Variants in KCTD8 observed in about 807,000 individuals in gnomAD.
The protein encoded by KCTD8 is BTB/POZ domain-containing protein KCTD8.
In KCTD8, 27 loss-of-function variants were observed where a neutral mutation model predicts 31.5. The ratio of observed to expected loss-of-function variants is 0.86; its 90% confidence interval spans 0.63 to 1.18. KCTD8 has a LOEUF of 1.18. KCTD8 is among the 50% of genes most tolerant of loss of function. KCTD8 has a pLI of 0.00. For missense variants in KCTD8, 658 were observed against 647.7 expected, an observed-to-expected ratio of 1.02 and a Z score of -0.17; for synonymous variants, 290 against 280.0, an observed-to-expected ratio of 1.04 and a Z score of -0.36.
At chr4:44,446,423 T>C (rs953823994) in intron 1 of KCTD8, among the ~76,000 whole-genome samples, 6 of 152,186 alleles carry the variant, frequency 3.9e-5, no homozygotes, top group Admixed American at 2.0e-4. Flanking sequence ...TGCCAAATAA[T>C]GTTCCTGCTG....
At chr4:44,328,462 A>G (rs988481441) in intron 1 of KCTD8, among the ~76,000 whole-genome samples, 1 of 151,936 alleles carries the variant, frequency 6.6e-6, no homozygotes, top group Non-Finnish European at 1.5e-5. Context: ...CACTTCGCCA[A>G]TCCCAACGGC....
At chr4:44,347,885 G>A (rs1280966251) in intron 1 of KCTD8, among the ~76,000 whole-genome samples, 1 of 152,074 alleles carries the variant, frequency 6.6e-6, no homozygotes, top group Non-Finnish European at 1.5e-5. Context: ...TACATTTATA[G>A]GGAAAAAATG....
chr4:44,412,202 T>A (rs1720978221), intron 1 of KCTD8, among the ~76,000 whole-genome samples: 1 of 152,092 alleles, frequency 6.6e-6, no homozygotes, highest in Admixed American at 6.6e-5. Context: ...CCACAGTAAA[T>A]AATTCAACCA....
Position 44,258,322 on chromosome 4 carries a change from G to A in KCTD8, c.962-83072C>T, listed in dbSNP as rs1030059770. 8.6e-5 allele frequency among the ~76,000 whole-genome samples: 13 copies of A among 151,658 alleles called. No individual in the cohort carries two copies. In the South Asian group the frequency reaches 2.3e-3, roughly 27 times the overall value. On this transcript the variant is annotated intron_variant, in intron 1 of 1. Transcript: ENST00000360029. ...ATTGTGGTGATGGTTGCACAGCTCT[G>A]TCTATATACTAGAAAAAATTAAATT...
intron 1 of KCTD8, among the ~76,000 whole-genome samples, chr4:44,240,356 G>A (rs1715422115): frequency 6.6e-6 from 1 of 152,178 alleles, no homozygotes; most frequent in Non-Finnish European, 1.5e-5. Context: ...TGATTAAAGG[G>A]ATTTCTGAGA....
intron 1 of KCTD8, among the ~76,000 whole-genome samples, chr4:44,445,430 T>C (rs1442277480): frequency 6.6e-6 from 1 of 152,178 alleles, no homozygotes; most frequent in Admixed American, 6.5e-5. Context: ...ATTAATAATA[T>C]GAGTACTCTG....
At chr4:44,271,968 TAGTCTTGGCA>T in intron 1 of KCTD8, among the ~76,000 whole-genome samples, 1 of 152,080 alleles carries the variant, frequency 6.6e-6, no homozygotes, top group Admixed American at 6.6e-5. Flanking sequence ...CCAACCAAGC[TAGTCTTGGCA>T]TGTGATCCTG....
intron 1 of KCTD8, among the ~76,000 whole-genome samples, chr4:44,343,851 GTTGT>G (rs1214868379): frequency 5.9e-5 from 9 of 151,462 alleles, no homozygotes; most frequent in Admixed American, 2.6e-4. Context: ...TTTTGTTGTT[GTTGT>G]TTGTTTGTTT....
At chr4:44,193,494 T>C (rs527931647) in intron 1 of KCTD8, among the ~76,000 whole-genome samples, 8 of 152,302 alleles carry the variant, frequency 5.3e-5, no homozygotes, top group Middle Eastern at 6.8e-3. Flanking sequence ...GAGATATAAT[T>C]ACTCATAATT....
intron 1 of KCTD8, among the ~76,000 whole-genome samples, chr4:44,205,336 G>A (rs1465529719): frequency 1.3e-5 from 2 of 152,112 alleles, no homozygotes; most frequent in South Asian, 2.1e-4. Context: ...AGTGTGAAAC[G>A]TACCTGTAGA....
chr4:44,416,662 C>T (rs1577663141), intron 1 of KCTD8, among the ~76,000 whole-genome samples: 1 of 152,090 alleles, frequency 6.6e-6, no homozygotes, highest in Non-Finnish European at 1.5e-5. Context: ...CCACTCTTGC[C>T]ATGTGACACA....
At chr4:44,414,600 T>C (rs1258600315) in intron 1 of KCTD8, among the ~76,000 whole-genome samples, 2 of 152,232 alleles carry the variant, frequency 1.3e-5, no homozygotes, top group African/African-American at 2.4e-5. Flanking sequence ...CTTCCTGCAG[T>C]CTGGTATCCA....
chr4:44,390,783 T>C lies in KCTD8; in HGVS notation c.961+56780A>G, dbSNP rs1263218158. On this transcript the variant is annotated intron_variant, in intron 1 of 1. Coordinates refer to ENST00000360029, the MANE Select transcript of KCTD8 (RefSeq NM_198353.3). ...GTTAATGTGGTAAAATTGGCATTGA[T>C]AATAAAATAATAGGCATTGATGTGG... is the stretch of plus-strand genomic sequence containing the variant. Among the ~76,000 whole-genome samples, 3 of 151,900 alleles carry C rather than the reference T, an allele frequency of 2.0e-5. No individual in the cohort carries two copies. In the East Asian group the frequency reaches 5.8e-4, roughly 29 times the overall value.
intron 1 of KCTD8, among the ~76,000 whole-genome samples, chr4:44,234,278 AGT>A (rs1386096074): frequency 6.6e-6 from 1 of 152,178 alleles, no homozygotes; most frequent in African/African-American, 2.4e-5. Context: ...AAGTGTGATT[AGT>A]GTTTGGTTAT....
intron 1 of KCTD8, among the ~76,000 whole-genome samples, chr4:44,218,440 A>T (rs1198251052): frequency 6.6e-6 from 1 of 151,598 alleles, no homozygotes; most frequent in Non-Finnish European, 1.5e-5. Flanking sequence ...AGTCTAAAAT[A>T]TCGTAAAGAA....
intron 1 of KCTD8, among the ~76,000 whole-genome samples, chr4:44,289,403 A>C (rs1201000418): frequency 6.6e-6 from 1 of 152,202 alleles, no homozygotes; most frequent in Admixed American, 6.5e-5. Flanking sequence ...AATAAGTCTT[A>C]CTTATCTATT....
intron 1 of KCTD8, among the ~76,000 whole-genome samples, chr4:44,327,842 TCATTA>T (rs1718489485): frequency 6.6e-6 from 1 of 151,884 alleles, no homozygotes; most frequent in African/African-American, 2.4e-5. Flanking sequence ...GTTTAATCTA[TCATTA>T]CAAAGAGCCA....
intron 1 of KCTD8, among the ~76,000 whole-genome samples, chr4:44,180,739 C>G (rs908682091): frequency 6.6e-6 from 1 of 152,144 alleles, no homozygotes; most frequent in African/African-American, 2.4e-5. Context: ...GGTCAGGTAA[C>G]CTCTCTAATA....
intron 1 of KCTD8, among the ~76,000 whole-genome samples, chr4:44,338,397 A>G (rs1358183921): frequency 6.6e-6 from 1 of 152,228 alleles, no homozygotes; most frequent in Non-Finnish European, 1.5e-5. Flanking sequence ...TTTAACAGGT[A>G]AAGCTTATAT....
Sources: gnomAD v4.1 joint callset for allele counts (sites outside exome capture counted in the v4.1 genomes callset) on GRCh38, gnomAD v4.1.1 for gene constraint, MANE v1.5 for transcripts, NCBI Gene and HGNC (gene_info 2026-07-23, HGNC 2026-07-21) for gene names.